ADCY7: variants seen among roughly 807,000 people sequenced by gnomAD.
ADCY7 encodes adenylate cyclase 7, also known as adenylate cyclase type 7.
A neutral mutation model predicts 120.6 loss-of-function variants in ADCY7; 72 were observed. The ratio of observed to expected loss-of-function variants is 0.60; its 90% CI spans 0.49 to 0.73. ADCY7 has a LOEUF of 0.73. Ranked by LOEUF, ADCY7 falls within the 30% of genes least tolerant of loss-of-function variation. The pLI is 0.00. For synonymous variants in ADCY7, 661 were observed against 628.0 expected, an observed-to-expected ratio of 1.05 and a Z score of -0.78; for missense variants, 1,227 against 1,486.0, an observed-to-expected ratio of 0.83 and a Z score of 2.87.
chr16:50,260,461 T>G (rs1361064398), intron 1 of ADCY7, among the ~76,000 whole-genome samples: 1 of 152,234 alleles, frequency 6.6e-6, no homozygotes, highest in Non-Finnish European at 1.5e-5. Context: ...TCATGAAGAC[T>G]CTGCTTCTCT....
rs2034691261 is a variant in ADCY7 at position 50,288,053 on chromosome 16, C to G, written c.-127C>G. On this transcript the variant is annotated 5_prime_UTR_variant, in exon 2 of 26. Coordinates refer to ENST00000673801, the MANE Select transcript of ADCY7 (RefSeq NM_001114.5). ...CAGGCCCAGAGGCCCTCTCCCCAGC[C>G]CTGCTTGCCTGCCTCGGAGAGGACA... 1 of 1,174,712 alleles carries G rather than the reference C, an allele frequency of 8.5e-7. No individual in the cohort carries two copies. Among genetic ancestry groups the G allele is most frequent in the Non-Finnish European group, 1.2e-6 (1 of 863,956 alleles). The allele number at this position is 1,174,712 out of a possible 1,614,324, so 72.8% of individuals were successfully genotyped here. A position where few individuals can be genotyped will look rare whatever the true frequency, so the allele number is the denominator to read the frequency against.
chr16:50,313,186 G>A (rs2036579371), intron 22 of ADCY7, 150 bp downstream of exon 22: 1 of 1,047,824 alleles, frequency 9.5e-7, no homozygotes, highest in Non-Finnish European at 1.3e-6. Flanking sequence ...GGAGGTCAAG[G>A]TGGGTGGATC....
chr16:50,313,179 G>A (rs2036578972), intron 22 of ADCY7, 143 bp downstream of exon 22: 2 of 1,096,158 alleles, frequency 1.8e-6, no homozygotes, highest in African/African-American at 1.6e-5. Context: ...CACTTTGGGA[G>A]GTCAAGGTGG....
chr16:50,311,941 G>A, intron 20 of ADCY7, 95 bp from the exon 21 acceptor site: 1 of 1,559,848 alleles, frequency 6.4e-7, no homozygotes, highest in Non-Finnish European at 8.8e-7. Context: ...GAGGCTCCAA[G>A]GACGCCAGGG....
chr16:50,310,058 T>C (rs1023821919), intron 18 of ADCY7, among the ~76,000 whole-genome samples: 1 of 152,186 alleles, frequency 6.6e-6, no homozygotes, highest in African/African-American at 2.4e-5. Context: ...GGTCTCTGCC[T>C]GGAGGGCCTT....
chr16:50,306,860 A>T (rs909715669), intron 14 of ADCY7, among the ~76,000 whole-genome samples, 190 bp from the exon 15 acceptor site: 1 of 152,168 alleles, frequency 6.6e-6, no homozygotes, highest in Non-Finnish European at 1.5e-5. Context: ...GGGACTCACT[A>T]TGTTGCCCAG....
At chr16:50,313,522 C>T in intron 22 of ADCY7, 1 of 188,862 alleles carries the variant, frequency 5.3e-6, no homozygotes, top group Non-Finnish European at 1.1e-5. Flanking sequence ...CTGTTTTATG[C>T]AGCAAATAAT....
chr16:50,299,307 C>A (rs1428492796), intron 8 of ADCY7, among the ~76,000 whole-genome samples: 1 of 152,236 alleles, frequency 6.6e-6, no homozygotes, highest in Non-Finnish European at 1.5e-5. Flanking sequence ...GGGCTCCGCT[C>A]CCCTCAAGGA....
chr16:50,257,065 G>A (rs897239755), intron 1 of ADCY7, among the ~76,000 whole-genome samples: 1 of 152,098 alleles, frequency 6.6e-6, no homozygotes, highest in South Asian at 2.1e-4. Context: ...AATACTGCAC[G>A]ATCTCACTTA....
intron 1 of ADCY7, among the ~76,000 whole-genome samples, chr16:50,285,695 A>T (rs1431688614): frequency 1.3e-5 from 2 of 151,894 alleles, no homozygotes; most frequent in Non-Finnish European, 2.9e-5. Flanking sequence ...GGGGGCGTGG[A>T]CTCTTGGTCC....
chr16:50,273,913 C>T (rs148114075), intron 1 of ADCY7, among the ~76,000 whole-genome samples: 1 of 152,242 alleles, frequency 6.6e-6, no homozygotes, highest in Non-Finnish European at 1.5e-5. Context: ...GTCAGGGTAG[C>T]CTGTGCTTCT....
intron 1 of ADCY7, among the ~76,000 whole-genome samples, chr16:50,281,385 A>AGGCAGGTGCGGCAGGTGCGGCAGGTGC (rs58503111): frequency 6.6e-6 from 1 of 151,032 alleles, no homozygotes; most frequent in Non-Finnish European, 1.5e-5. Flanking sequence ...GTGGCAGGTA[A>AGGCAGGTGCGGCAGGTGCGGCAGGTGC]GGCAGGTGCG....
At chr16:50,311,258 G>A (rs1221716674) in intron 19 of ADCY7, among the ~76,000 whole-genome samples, 1 of 152,104 alleles carries the variant, frequency 6.6e-6, no homozygotes, top group African/African-American at 2.4e-5. Flanking sequence ...TGGTTCTAGG[G>A]GTTCTGGGTC....
rs950847905 is a variant in ADCY7, at chr16:50,288,035, A to C, written c.-145A>C. The C allele has an allele frequency of 1.9e-5, 18 of 933,182 alleles. No individual in the cohort carries two copies. In the African/African-American group the frequency reaches 3.1e-4, roughly 16 times the overall value. The allele number at this position is 933,182 out of a possible 1,614,324, so 57.8% of individuals were successfully genotyped here. On this transcript the variant is annotated 5_prime_UTR_variant, in exon 2 of 26. Transcript: ENST00000673801. ...TTGTTGGCCATGGAGCAGCAGGCCC[A>C]GAGGCCCTCTCCCCAGCCCTGCTTG...
intron 1 of ADCY7, among the ~76,000 whole-genome samples, chr16:50,246,360 C>T (rs1027459857): frequency 6.6e-5 from 10 of 151,952 alleles, no homozygotes; most frequent in Non-Finnish European, 1.3e-4. Context: ...GGGTGCCCGG[C>T]GGTGGCGGCT....
At chr16:50,303,159 G>C (rs2035841383) in intron 10 of ADCY7, among the ~76,000 whole-genome samples, 1 of 152,194 alleles carries the variant, frequency 6.6e-6, no homozygotes, top group South Asian at 2.1e-4. Context: ...TGCTGTGTAG[G>C]CAGAGTTGTC....
At chr16:50,272,478 G>A (rs1302791676) in intron 1 of ADCY7, among the ~76,000 whole-genome samples, 2 of 152,202 alleles carry the variant, frequency 1.3e-5, no homozygotes, top group Non-Finnish European at 2.9e-5. Flanking sequence ...GAGAAGCCTA[G>A]CACCCTGGGA....
At chr16:50,251,720 T>C (rs1190621140) in intron 1 of ADCY7, among the ~76,000 whole-genome samples, 5 of 152,132 alleles carry the variant, frequency 3.3e-5, no homozygotes, top group African/African-American at 9.7e-5. Context: ...AGCTCGGGCC[T>C]CCAGTGTGCC....
chr16:50,247,981 C>G (rs1437222211), intron 1 of ADCY7, among the ~76,000 whole-genome samples: 3 of 152,194 alleles, frequency 2.0e-5, no homozygotes, highest in Non-Finnish European at 4.4e-5. Context: ...TTACAAAGCC[C>G]CTGCGTATCC....
Sources: gnomAD v4.1 joint callset for allele counts (sites outside exome capture counted in the v4.1 genomes callset) on GRCh38, gnomAD v4.1.1 for gene constraint, MANE v1.5 for transcripts, NCBI Gene and HGNC (gene_info 2026-07-23, HGNC 2026-07-21) for gene names.